PLSCR2: variants seen among roughly 807,000 people sequenced by gnomAD.
PLSCR2 encodes the protein PL scramblase 2.
In PLSCR2, 18 loss-of-function variants were observed where a neutral mutation model predicts 25.3. The observed-to-expected ratio is 0.71, with a 90% CI of 0.49 to 1.06. The LOEUF (loss-of-function observed/expected upper bound fraction) is 1.06. Ranked by LOEUF, PLSCR2 falls within the 50% of genes least tolerant of loss-of-function variation. PLSCR2 has a pLI of 0.00. For missense variants in PLSCR2, 243 were observed against 269.5 expected (o/e 0.90, Z 0.69); for synonymous variants, 88 against 87.3 (o/e 1.01, Z -0.04).
chr3:146,471,701 G>A (rs560984931), intron 1 of PLSCR2, among the ~76,000 whole-genome samples: 1 of 152,142 alleles, frequency 6.6e-6, no homozygotes, highest in African/African-American at 2.4e-5. Context: ...CAAGTAGCTG[G>A]GATTACAGGC....
At chr3:146,467,676 G>A (rs2041930671) in intron 1 of PLSCR2, among the ~76,000 whole-genome samples, 1 of 149,492 alleles carries the variant, frequency 6.7e-6, no homozygotes, top group South Asian at 2.2e-4. Flanking sequence ...AATACATTAA[G>A]CACTATGAAT....
intron 2 of PLSCR2, chr3:146,401,598 T>C (rs1432924893): frequency 1.3e-5 from 2 of 152,566 alleles, no homozygotes; most frequent in Non-Finnish European, 2.9e-5. Context: ...TTAATAATAC[T>C]GATGTAAGAT....
chr3:146,453,488 T>C (rs2041016615), intron 5 of PLSCR2, among the ~76,000 whole-genome samples: 1 of 152,112 alleles, frequency 6.6e-6, no homozygotes, highest in Non-Finnish European at 1.5e-5. Context: ...CCTAATTTAA[T>C]ACAGGGTTAA....
rs139339626 is a variant in PLSCR2, at chr3:146,488,833, A to C, written c.-293+7062T>G. On this transcript the variant is annotated intron_variant, in intron 1 of 8. Transcript: ENST00000336685. ...CATTACTGGGTATATAACAGAAGGA[A>C]TATGAATCATTCTATTATAAAGATA... is the stretch of plus-strand genomic sequence containing the variant. Among the ~76,000 whole-genome samples, 528 of 152,292 alleles carry C rather than the reference A, an allele frequency of 3.5e-3. 5 individuals are homozygous for C. The highest frequency in any genetic ancestry group is 0.012 in the African/African-American group (509 of 41,558).
chr3:146,478,737 T>C (rs979551373), intron 1 of PLSCR2, among the ~76,000 whole-genome samples: 2 of 151,984 alleles, frequency 1.3e-5, no homozygotes, highest in South Asian at 2.1e-4. Context: ...TCAGGAAACA[T>C]AGAGAACACC....
Position 146,411,185 on chromosome 3 carries a change from T to G in PLSCR2, c.101-15264A>C, listed in dbSNP as rs147719250. On this transcript the variant is annotated intron_variant and NMD_transcript_variant, in intron 2 of 3. Transcript: ENST00000463633. ...AGACCAGTCTGCCAGAAACTAAGGC[T>G]CAGTTCCCCAGCGTTCTGGGACGTG... Among the ~76,000 whole-genome samples the G allele has an allele frequency of 9.1e-4, 138 of 152,140 alleles. 1 individual carries two copies. The East Asian group carries it at 0.023, about 25-fold the overall frequency.
In PLSCR2 at chr3:146,399,505, A is replaced by T. The variant is rs530071294; in HGVS notation, c.101-3584T>A. Among the ~76,000 whole-genome samples, 5 of 152,014 alleles carry T rather than the reference A, an allele frequency of 3.3e-5. No individual in the cohort carries two copies. In the East Asian group the frequency reaches 7.7e-4, roughly 23 times the overall value. Reference sequence around the variant, plus strand: ...TGTATTTATGTAATACATTATACAAATATTCACAAAATAACTGGGAGAATA... The same window carrying T: ...TGTATTTATGTAATACATTATACAATTATTCACAAAATAACTGGGAGAATA... On this transcript the variant is annotated intron_variant and NMD_transcript_variant, in intron 2 of 3. Transcript: ENST00000463633.
chr3:146,438,372 G>A (rs887739609), downstream of PLSCR2, among the ~76,000 whole-genome samples: 6 of 152,046 alleles, frequency 3.9e-5, no homozygotes, highest in Admixed American at 2.6e-4. Flanking sequence ...TTGACAGTGG[G>A]GTGTTAAAGT....
downstream of PLSCR2, among the ~76,000 whole-genome samples, chr3:146,438,187 C>T (rs932355747): frequency 4.6e-5 from 7 of 152,164 alleles, no homozygotes; most frequent in South Asian, 1.2e-3. Context: ...GAGTGCTTTA[C>T]TTCCAACTAT....
At chr3:146,457,901 TAGG>T (rs34389096) in intron 3 of PLSCR2, among the ~76,000 whole-genome samples, 6,213 of 152,284 alleles carry the variant, frequency 0.041, 173 homozygotes, top group Admixed American at 0.087. Context: ...ACAGTATTTG[TAGG>T]AGATTGGTTC....
chr3:146,494,870 C>G (rs936112530), intron 1 of PLSCR2: 1 of 152,164 alleles, frequency 6.6e-6, no homozygotes, highest in East Asian at 1.9e-4. Flanking sequence ...ATGAAACACT[C>G]TTATCTCTAG....
At chr3:146,428,355 G>A (rs1346600763), downstream of PLSCR2, among the ~76,000 whole-genome samples, 1 of 152,142 alleles carries the variant, frequency 6.6e-6, no homozygotes, top group Non-Finnish European at 1.5e-5. Context: ...TTAATGACAA[G>A]AGGCCAGAAT....
At chr3:146,418,585 T>C (rs991645063) in intron 2 of PLSCR2, among the ~76,000 whole-genome samples, 1 of 152,174 alleles carries the variant, frequency 6.6e-6, no homozygotes, top group African/African-American at 2.4e-5. Flanking sequence ...AAATCCAGCA[T>C]GTGAGGCTCT....
intron 1 of PLSCR2, among the ~76,000 whole-genome samples, chr3:146,485,467 G>A (rs1376839314): frequency 1.3e-5 from 2 of 152,070 alleles, no homozygotes; most frequent in Non-Finnish European, 2.9e-5. Flanking sequence ...GATATCTACA[G>A]AACTCTCCAC....
chr3:146,446,458 T>C (rs2040559088), intron 6 of PLSCR2, among the ~76,000 whole-genome samples: 1 of 152,130 alleles, frequency 6.6e-6, no homozygotes, highest in Non-Finnish European at 1.5e-5. Context: ...TCCAGAAGCA[T>C]TCCCTGCAAT....
intron 6 of PLSCR2, among the ~76,000 whole-genome samples, chr3:146,442,369 C>T (rs1346850482): frequency 5.3e-5 from 8 of 151,886 alleles, no homozygotes; most frequent in South Asian, 2.1e-4. Context: ...TTAATATTGC[C>T]AAGATGTCCA....
downstream of PLSCR2, chr3:146,441,679 A>C: frequency 1.4e-6 from 1 of 703,188 alleles, no homozygotes; most frequent in Non-Finnish European, 2.4e-6. Context: ...AATTTAAATA[A>C]AGAAAAGAAA....
At chr3:146,469,638 A>C (rs1037212614) in intron 1 of PLSCR2, 77 bp from the exon 1 acceptor site, 2 of 856,264 alleles carry the variant, frequency 2.3e-6, no homozygotes, top group African/African-American at 3.7e-5. Flanking sequence ...CCAGCCTCAG[A>C]GTCTACACCT....
intron 2 of PLSCR2, chr3:146,396,054 C>A: frequency 5.6e-6 from 1 of 179,974 alleles, no homozygotes; most frequent in Non-Finnish European, 1.2e-5. Context: ...ACAAAATATG[C>A]AACATGGACA....
Sources: allele counts gnomAD v4.1 joint callset (sites outside exome capture counted in the v4.1 genomes callset), GRCh38; gene constraint gnomAD v4.1.1; transcripts MANE v1.5; gene names NCBI Gene and HGNC (gene_info 2026-07-23, HGNC 2026-07-21).